The following MYH7 variants were observed in gnomAD, a reference collection of about 807,000 sequenced individuals.
The protein encoded by MYH7 is myosin-7.
Under a neutral mutation model 225.4 loss-of-function variants are expected in MYH7, and 129 were observed. That is an observed-to-expected ratio of 0.57 (90% CI 0.50 to 0.66). MYH7 has a LOEUF of 0.66. Ranked by LOEUF, MYH7 falls within the 30% of genes least tolerant of loss-of-function variation. MYH7 has a pLI of 0.00. For missense variants in MYH7, 1,649 were observed against 2,517.0 expected (o/e 0.66, Z 7.38); for synonymous variants, 971 against 1,007.6 (o/e 0.96, Z 0.69).
intron 31 of MYH7, 66 bp from the exon 32 acceptor site, chr14:23,417,384 G>T: frequency 6.2e-7 from 1 of 1,611,716 alleles, no homozygotes. Flanking sequence ...GTCTGTCTCA[G>T]GACCTGCCTG....
At chr14:23,421,103 T>C in intron 25 of MYH7, 55 bp from the exon 26 acceptor site, 3 of 1,316,334 alleles carry the variant, frequency 2.3e-6, no homozygotes, top group Non-Finnish European at 3.3e-6. Context: ...CTCAGGAGGG[T>C]CCACCAGTGG....
intron 16 of MYH7, 36 bp from the exon 17 acceptor site, chr14:23,427,343 G>A (rs1206814577): frequency 6.2e-7 from 1 of 1,611,436 alleles, no homozygotes; most frequent in Non-Finnish European, 8.5e-7. Flanking sequence ...AAGCATCAGT[G>A]TGGGGAGGTA....
At chr14:23,419,767 G>A in intron 27 of MYH7, 78 bp downstream of exon 27, 1 of 1,613,688 alleles carries the variant, frequency 6.2e-7, no homozygotes, top group Non-Finnish European at 8.5e-7. Context: ...AATGAACCAT[G>A]AAGGAAGAGA....
At chr14:23,429,682 A>C in intron 12 of MYH7, 93 bp downstream of exon 12, 2 of 1,557,182 alleles carry the variant, frequency 1.3e-6, no homozygotes, top group Admixed American at 1.9e-5. Flanking sequence ...TCTCAAAAAA[A>C]AAAAAAAAAG....
At chr14:23,427,478 T>C in intron 16 of MYH7, 107 bp downstream of exon 16, 2 of 1,509,414 alleles carry the variant, frequency 1.3e-6, no homozygotes, top group South Asian at 2.4e-5. Flanking sequence ...TCTGTAAACC[T>C]TGGGGTACAA....
At position 23,427,623 on chromosome 14, in the gene MYH7, A is replaced by G; in HGVS notation, c.1850T>C (p.Leu617Pro). ...GLYQKSSLKLLSTLFANYAGA... is the reference protein window; with the variant it reads ...GLYQKSSLKLPSTLFANYAGA... Reference sequence around the variant, plus strand: ...AGCATAGTTGGCAAACAGGGTGCTGAGCAGCTTGAGGGAAGACTTCTGATA... The same window carrying G: ...AGCATAGTTGGCAAACAGGGTGCTGGGCAGCTTGAGGGAAGACTTCTGATA... Residue 617 changes from leucine (L) to proline (P), a missense_variant, in exon 16 of 40, where the codon CTC (leucine) becomes CCC (proline). By Grantham distance (98) the Leu-to-Pro change is moderately conservative. Around this residue, in one of 12 missense-constraint regions of MYH7, gnomAD observed 112 missense variants for 161.9 expected, o/e 0.69. Coordinates refer to ENST00000355349, the MANE Select transcript of MYH7 (RefSeq NM_000257.4). The G allele has an allele frequency of 1.9e-6, 3 of 1,614,154 alleles. No homozygotes were observed. Among genetic ancestry groups the G allele is most frequent in the Non-Finnish European group, 2.5e-6 (3 of 1,180,032 alleles).
chr14:23,434,576 T>C (rs868643807), intron 1 of MYH7, among the ~76,000 whole-genome samples: 7 of 152,226 alleles, frequency 4.6e-5, no homozygotes, highest in Non-Finnish European at 8.8e-5. Flanking sequence ...GTCACATTTG[T>C]TCGGCACTTT....
chr14:23,433,314 A>G lies in MYH7; in HGVS notation c.202-87T>C. On this transcript the variant is annotated intron_variant, in intron 3 of 39. Coordinates refer to ENST00000355349, the MANE Select transcript of MYH7 (RefSeq NM_000257.4). This position sits in a 1 kb window ranked among gnomAD's most constrained non-coding sequence, Gnocchi z 4.1. ...GTTAGGAGTTGGTGAGTGACAGGGC[A>G]ATAGTGCTCAAGAGAGAAGGAACCA... 3 of 1,587,782 alleles carry G rather than the reference A, an allele frequency of 1.9e-6. No individual in the cohort carries two copies. The highest frequency in any genetic ancestry group is 8.6e-7 in the Non-Finnish European group (1 of 1,160,650).
Position 23,425,181 on chromosome 14 carries a change from G to A in MYH7, c.2423+101C>T. The A allele has an allele frequency of 6.2e-7, 1 of 1,602,898 alleles. No homozygotes were observed. The highest frequency in any genetic ancestry group is 8.5e-7 in the Non-Finnish European group (1 of 1,171,138). Reference sequence around the variant, plus strand: ...GTGTTCATATGAGCCCCTCCTGCAGGTCTCTGTGTTTGAAGATCTGCTGAG... The same window carrying A: ...GTGTTCATATGAGCCCCTCCTGCAGATCTCTGTGTTTGAAGATCTGCTGAG... On this transcript the variant is annotated intron_variant, in intron 21 of 39. Transcript: ENST00000355349. This position sits in a 1 kb window ranked among gnomAD's most constrained non-coding sequence, Gnocchi z 4.6.
rs993219203 is a variant in MYH7 at position 23,427,715 on chromosome 14, C to T, written c.1758G>A (p.Val586=). The T allele has an allele frequency of 1.2e-6, 2 of 1,614,184 alleles. No homozygotes were observed. Among genetic ancestry groups the T allele is most frequent in the African/African-American group, 1.3e-5 (1 of 75,038 alleles). The change falls in exon 16 of 40, where the codon GTG becomes GTA. Residue 586 remains valine, a synonymous_variant. Coordinates refer to ENST00000355349, the MANE Select transcript of MYH7 (RefSeq NM_000257.4). ...GCAGCCAGCCAATGATGTTGTAGTCCACGATGCCGGCATAGTGGATCAGGG... is the reference window on the plus strand; with the variant it reads ...GCAGCCAGCCAATGATGTTGTAGTCTACGATGCCGGCATAGTGGATCAGGG... ...HFSLIHYAGI[V]DYNIIGWLQK...
rs780259714 is a variant in MYH7, at chr14:23,416,976, C to T, written c.4536G>A (p.Leu1512=). Residue 1512 remains leucine, a synonymous_variant, in exon 33 of 40, where the codon TTG becomes TTA. Transcript: ENST00000355349. ...TTCCGCTGGAACCCAACTGCTCAGT[C>T]AAGTCGGAGATCTCCTCTGTGTGGG... The part of the protein sequence containing the change: ...NKNLQEEISD[L]TEQLGSSGKT... The T allele has an allele frequency of 2.5e-6, 4 of 1,614,226 alleles. No homozygotes were observed. Among genetic ancestry groups the T allele is most frequent in the Non-Finnish European group, 1.7e-6 (2 of 1,180,046 alleles).
chr14:23,432,969 C>T (rs1478714440), intron 4 of MYH7, 115 bp downstream of exon 4: 71 of 1,538,760 alleles, frequency 4.6e-5, no homozygotes, highest in South Asian at 1.4e-4. Flanking sequence ...GATGTTGGGA[C>T]GAGGTTAGAG....
At chr14:23,418,176 G>A (rs1595076068) in intron 30 of MYH7, 34 bp downstream of exon 30, 1 of 1,613,242 alleles carries the variant, frequency 6.2e-7, no homozygotes, top group African/African-American at 1.3e-5. Flanking sequence ...CTGCAAAGGG[G>A]CCTCAGCCAG....
intron 32 of MYH7, 65 bp downstream of exon 32, chr14:23,417,088 G>C (rs1245768442): frequency 3.1e-6 from 5 of 1,613,864 alleles, no homozygotes; most frequent in Middle Eastern, 3.3e-4. Context: ...TGGAGCCCTT[G>C]GGTGGCACCA....
chr14:23,416,955 G>A lies in MYH7; in HGVS notation c.4557C>T (p.Ser1519=), dbSNP rs150552664. ...ISDLTEQLGS[S]GKTIHELEKV... is the part of the protein sequence containing the mutation. Reference sequence around the variant, plus strand: ...TCTCCAGCTCATGGATAGTCTTTCCGCTGGAACCCAACTGCTCAGTCAAGT... The same window carrying A: ...TCTCCAGCTCATGGATAGTCTTTCCACTGGAACCCAACTGCTCAGTCAAGT... Residue 1519 remains serine, a synonymous_variant, in exon 33 of 40, where the codon AGC becomes AGT. Coordinates refer to ENST00000355349, the MANE Select transcript of MYH7 (RefSeq NM_000257.4). The A allele has an allele frequency of 3.5e-5, 56 of 1,614,210 alleles. 1 individual carries two copies. In the South Asian group the frequency reaches 5.3e-4, roughly 15 times the overall value.
rs1454771889 is a variant in MYH7, at chr14:23,416,132, T to G, written c.4825A>C (p.Asn1609His). 2 of 1,614,214 alleles carry G rather than the reference T, an allele frequency of 1.2e-6. No homozygotes were observed. The part of the protein sequence containing the change: ...TSLDAETRSR[N>H]EALRVKKKME... ...TTCTTCTTCACCCTCAGGGCCTCGT[T>G]GCGGCTGCGTGTCTCTGCGTCCAGG... Residue 1609 changes from asparagine to histidine, a missense_variant, in exon 34 of 40, where the codon AAC becomes CAC. Physicochemically the swap from Asn to His is moderately conservative, Grantham distance 68. This residue lies in a region of MYH7 where 687 missense variants were observed against 913.8 expected (regional missense o/e 0.75). Transcript: ENST00000355349.
Position 23,412,877 on chromosome 14 carries a change from G to A in MYH7, c.5791-6C>T, listed in dbSNP as rs1056204842. The A allele has an allele frequency of 1.2e-6, 2 of 1,613,962 alleles. No homozygotes were observed. Among genetic ancestry groups the A allele is most frequent in the Non-Finnish European group, 1.7e-6 (2 of 1,179,922 alleles). On this transcript the variant is annotated splice_polypyrimidine_tract_variant and splice_region_variant and intron_variant, in intron 39 of 39. Transcript: ENST00000355349. ...AGCTACTCCTCATTCAAGCCCTTTT[G>A]AAAGGAAACAAAGTCCAATCAGTCC...
chr14:23,425,881 C>A lies in MYH7; in HGVS notation c.2163-63G>T. 17 of 1,613,012 alleles carry A rather than the reference C, an allele frequency of 1.1e-5. No individual in the cohort carries two copies. Among genetic ancestry groups the A allele is most frequent in the Non-Finnish European group, 1.4e-5 (17 of 1,180,010 alleles). On this transcript the variant is annotated intron_variant, in intron 19 of 39. Coordinates refer to ENST00000355349, the MANE Select transcript of MYH7 (RefSeq NM_000257.4). This position sits in a 1 kb window ranked among gnomAD's most constrained non-coding sequence, Gnocchi z 4.6. The stretch of plus-strand genomic sequence containing the variant: ...AGTGATCTGCTCTGCCCATAGAATT[C>A]CAGGGTCACCTGCAGATCCCATTCC...
chr14:23,431,388 G>T (rs536745869), intron 9 of MYH7, 30 bp downstream of exon 9: 3 of 1,608,802 alleles, frequency 1.9e-6, no homozygotes, highest in Non-Finnish European at 2.6e-6. Flanking sequence ...GGTGAGCTTA[G>T]GCTGAGCCTA....
Sources: gnomAD v4.1 joint callset for allele counts (sites outside exome capture counted in the v4.1 genomes callset) on GRCh38, gnomAD v4.1.1 for gene constraint, gnomAD v4.1.1 regional missense constraint, Gnocchi (gnomAD v3.1) non-coding constraint, MANE v1.5 for transcripts, NCBI Gene and HGNC (gene_info 2026-07-23, HGNC 2026-07-21) for gene names.